FGL1: variants seen among roughly 807,000 people sequenced by gnomAD.
The protein encoded by FGL1 is fibrinogen like 1.
Under a neutral mutation model 43.7 loss-of-function variants are expected in FGL1, and 59 were observed. The observed-to-expected ratio is 1.35, with a 90% CI of 1.10 to 1.68. FGL1 has a LOEUF of 1.68. Ranked by LOEUF, FGL1 falls within the 40% of genes most tolerant of loss-of-function variation. The probability of loss-of-function intolerance (pLI) is 0.00; values close to 1 mark genes in which losing one functional copy is unlikely to be tolerated. For missense variants in FGL1, 596 were observed against 373.0 expected (o/e 1.60, Z -4.92); for synonymous variants, 192 against 126.5 (o/e 1.52, Z -3.48).
intron 1 of FGL1, among the ~76,000 whole-genome samples, chr8:17,889,640 G>A (rs985114498): frequency 6.6e-6 from 1 of 152,126 alleles, no homozygotes; most frequent in African/African-American, 2.4e-5. Context: ...AAGAAAACAA[G>A]CACAAGGATG....
rs555266943 is a variant in FGL1, at chr8:17,891,831, T to A, written c.-18+3616A>T. The A allele has an allele frequency of 3.3e-4, 325 of 975,394 alleles. 5 individuals are homozygous for A. The South Asian group carries it at 9.3e-3, about 28-fold the overall frequency. The allele number at this position is 975,394 out of a possible 1,614,324, so 60.4% of individuals were successfully genotyped here. A position where few individuals can be genotyped will look rare whatever the true frequency, so the allele number is the denominator to read the frequency against. ...CCCTTCCAGCAACAACAAAAATAACTACTCTTAATGAATTATGCTTTTCAT... is the reference window on the plus strand; with the variant it reads ...CCCTTCCAGCAACAACAAAAATAACAACTCTTAATGAATTATGCTTTTCAT... On this transcript the variant is annotated intron_variant, in intron 1 of 7. Coordinates refer to ENST00000427924, the MANE Select transcript of FGL1 (RefSeq NM_004467.4).
At chr8:17,865,979 G>A (rs1470252408) in intron 7 of FGL1, among the ~76,000 whole-genome samples, 1 of 152,104 alleles carries the variant, frequency 6.6e-6, no homozygotes, top group Non-Finnish European at 1.5e-5. Context: ...GTCTGCAAAT[G>A]TCAAAGCCTA....
At chr8:17,877,687 G>C (rs1032319139) in intron 3 of FGL1, among the ~76,000 whole-genome samples, 3 of 151,942 alleles carry the variant, frequency 2.0e-5, no homozygotes, top group African/African-American at 7.3e-5. Context: ...GTGATATTTT[G>C]ATAAAGGCAT....
intron 1 of FGL1, among the ~76,000 whole-genome samples, chr8:17,887,998 T>C (rs184240503): frequency 1.3e-5 from 2 of 152,266 alleles, no homozygotes; most frequent in East Asian, 3.9e-4. Context: ...ATTGAGTATG[T>C]ACCTATCTTA....
intron 2 of FGL1, among the ~76,000 whole-genome samples, chr8:17,882,967 TA>T: frequency 9.9e-6 from 1 of 100,866 alleles, no homozygotes; most frequent in South Asian, 3.0e-4. Context: ...ATATCATATA[TA>T]ATATATTAAA....
intron 1 of FGL1, among the ~76,000 whole-genome samples, chr8:17,889,707 C>G (rs1002724069): frequency 6.6e-6 from 1 of 152,176 alleles, no homozygotes; most frequent in Non-Finnish European, 1.5e-5. Context: ...GAATATCTCC[C>G]AAATCTCCTG....
Position 17,885,514 on chromosome 8 carries a change from A to T in FGL1, c.41T>A (p.Leu14Gln), listed in dbSNP as rs2053614424. The change falls in exon 2 of 8, where the codon CTG becomes CAG. Residue 14 changes from leucine (L) to glutamine (Q), a missense_variant. By Grantham distance (113) the Leu-to-Gln change is moderately radical (BLOSUM62 -2). Transcript: ENST00000427924. Reference sequence around the variant, plus strand: ...TACCGAAATTTCCCTGCCCATTGTCAGAGCGGTGGTAACAAGGATGAAACT... The same window carrying T: ...TACCGAAATTTCCCTGCCCATTGTCTGAGCGGTGGTAACAAGGATGAAACT... ...VFSFILVTTA[L>Q]TMGREISALE... The T allele has an allele frequency of 6.2e-7, 1 of 1,613,408 alleles. No homozygotes were observed. Among genetic ancestry groups the T allele is most frequent in the Non-Finnish European group, 8.5e-7 (1 of 1,179,608 alleles).
At chr8:17,873,514 T>C (rs1301093547) in intron 5 of FGL1, among the ~76,000 whole-genome samples, 3 of 152,132 alleles carry the variant, frequency 2.0e-5, no homozygotes, top group Admixed American at 6.6e-5. Context: ...AAATGGTTGT[T>C]GATTTTAAGC....
chr8:17,891,943 C>G, intron 1 of FGL1: 1 of 235,114 alleles, frequency 4.3e-6, no homozygotes. Context: ...TTATAAAATC[C>G]CAAAAGAAAA....
chr8:17,890,745 G>T (rs1469336473), intron 1 of FGL1, among the ~76,000 whole-genome samples: 1 of 152,172 alleles, frequency 6.6e-6, no homozygotes, highest in Admixed American at 6.5e-5. Flanking sequence ...TACAGTCGTG[G>T]TGGAAGGGGA....
At chr8:17,894,595 T>C (rs900875445) in intron 1 of FGL1, among the ~76,000 whole-genome samples, 2 of 147,068 alleles carry the variant, frequency 1.4e-5, no homozygotes, top group Non-Finnish European at 3.0e-5. Flanking sequence ...TAATTTTTTA[T>C]ACTGAAACTG....
At chr8:17,892,394 A>G (rs2053717828) in intron 1 of FGL1, among the ~76,000 whole-genome samples, 1 of 152,182 alleles carries the variant, frequency 6.6e-6, no homozygotes, top group Non-Finnish European at 1.5e-5. Context: ...GTTCCCCGAG[A>G]CTAGAACATG....
chr8:17,870,105 G>A (rs953617942), intron 5 of FGL1, among the ~76,000 whole-genome samples: 4 of 151,974 alleles, frequency 2.6e-5, no homozygotes, highest in South Asian at 4.2e-4. Context: ...GCGAGACTCC[G>A]TCGCAAAAAA....
At chr8:17,883,408 T>G (rs1370199392) in intron 2 of FGL1, among the ~76,000 whole-genome samples, 1 of 116,408 alleles carries the variant, frequency 8.6e-6, no homozygotes, top group Non-Finnish European at 1.6e-5. Context: ...ATATAATATA[T>G]ATTACAAAAT....
intron 5 of FGL1, 28 bp downstream of exon 5, chr8:17,873,991 A>C (rs754894707): frequency 2.7e-6 from 4 of 1,492,180 alleles, no homozygotes; most frequent in Non-Finnish European, 3.6e-6. Flanking sequence ...TTATATTTCA[A>C]ATAAATCTGA....
intron 5 of FGL1, among the ~76,000 whole-genome samples, chr8:17,872,979 G>C (rs371540042): frequency 1.2e-4 from 18 of 152,274 alleles, no homozygotes; most frequent in African/African-American, 4.3e-4. Flanking sequence ...GTTAATGTAG[G>C]ATACAGGTGG....
At chr8:17,872,413 C>A (rs1161182814) in intron 5 of FGL1, among the ~76,000 whole-genome samples, 1 of 150,864 alleles carries the variant, frequency 6.6e-6, no homozygotes, top group African/African-American at 2.5e-5. Context: ...AGCAATTCTC[C>A]TGCCTCAGCC....
At chr8:17,890,252 A>G (rs1488819665) in intron 1 of FGL1, among the ~76,000 whole-genome samples, 1 of 152,138 alleles carries the variant, frequency 6.6e-6, no homozygotes, top group Non-Finnish European at 1.5e-5. Context: ...ATTCCAAACA[A>G]TTTTTTAGAA....
At chr8:17,894,061 T>A (rs7002625) in intron 1 of FGL1, among the ~76,000 whole-genome samples, 80,935 of 145,540 alleles carry the variant, frequency 0.56, 26,768 homozygotes, top group Middle Eastern at 0.71. Flanking sequence ...TTAAAAAAAA[T>A]TTAATTAATT....
Sources: allele counts gnomAD v4.1 joint callset (sites outside exome capture counted in the v4.1 genomes callset), GRCh38; gene constraint gnomAD v4.1.1; transcripts MANE v1.5; gene names NCBI Gene and HGNC (gene_info 2026-07-23, HGNC 2026-07-21).